The following JAG2 variants were observed in gnomAD, a reference collection of about 807,000 sequenced individuals.
JAG2 encodes the protein jagged canonical Notch ligand 2.
JAG2 carries 46 observed loss-of-function variants against 141.7 expected under a neutral mutation model. The ratio of observed to expected loss-of-function variants is 0.32; its 90% CI spans 0.26 to 0.42. JAG2 has a LOEUF of 0.42. Ranked by LOEUF, JAG2 falls within the 10% of genes least tolerant of loss-of-function variation. The probability of loss-of-function intolerance (pLI) is 1.00; values close to 1 mark genes in which losing one functional copy is unlikely to be tolerated. For missense variants in JAG2, 1,500 were observed against 1,817.5 expected (o/e 0.83, Z 3.18); for synonymous variants, 862 against 763.5 (o/e 1.13, Z -2.13).
At position 105,151,320 on chromosome 14, in the gene JAG2, G is replaced by C. The variant is rs1438776049; in HGVS notation, c.1230C>G (p.Ile410Met). ...CVDQVDGFEC[I>M]CPEQWVGATC... ...TGGCCCCCACCCACTGCTCGGGGCAGATGCACTCAAAGCCGTCCACCTGGT... is the reference window on the plus strand; with the variant it reads ...TGGCCCCCACCCACTGCTCGGGGCACATGCACTCAAAGCCGTCCACCTGGT... Residue 410 changes from isoleucine to methionine, a missense_variant, in exon 9 of 26, where the codon ATC becomes ATG. Ile to Met is a conservative substitution (Grantham distance 10, BLOSUM62 1). Around this residue, in one of 3 missense-constraint regions of JAG2, gnomAD observed 875 missense variants for 1,202.2 expected, o/e 0.73. Coordinates refer to ENST00000331782, the MANE Select transcript of JAG2 (RefSeq NM_002226.5). 8 of 1,612,756 alleles carry C rather than the reference G, an allele frequency of 5.0e-6. No homozygotes were observed. Among genetic ancestry groups the C allele is most frequent in the African/African-American group, 1.3e-5 (1 of 75,056 alleles).
Position 105,151,094 on chromosome 14 carries a change from C to G in JAG2, c.1278G>C (p.Glu426Asp), listed in dbSNP as rs1298677515. 6.2e-7 allele frequency: 1 copy of G among 1,611,044 alleles called. No individual in the cohort carries two copies. Among genetic ancestry groups the G allele is most frequent in the African/African-American group, 1.3e-5 (1 of 74,904 alleles). Residue 426 changes from glutamate to aspartate, a missense_variant, in exon 10 of 26, where the codon GAG (glutamate) becomes GAC (aspartate). Glu to Asp is a conservative substitution (Grantham distance 45, BLOSUM62 2). Around this residue, in one of 3 missense-constraint regions of JAG2, gnomAD observed 875 missense variants for 1,202.2 expected, o/e 0.73. Transcript: ENST00000331782. ...CGTTAAGGCATGGCTTCCCTTCACA[C>G]TCATTGGCGTCTGTGAAAGAGACAA... Reference protein sequence around the residue: ...VGATCQLDANECEGKPCLNAF... With the variant: ...VGATCQLDANDCEGKPCLNAF...
chr14:105,158,147 G>A (rs775527774), intron 2 of JAG2, among the ~76,000 whole-genome samples: 10 of 152,296 alleles, frequency 6.6e-5, no homozygotes, highest in East Asian at 5.8e-4. Context: ...ATGGGCAGCC[G>A]GGACCCGAGC....
intron 2 of JAG2, among the ~76,000 whole-genome samples, chr14:105,164,461 A>C (rs1888850889): frequency 6.6e-6 from 1 of 152,196 alleles, no homozygotes. Context: ...AGGTGTGGGA[A>C]GGAGGGGGGT....
Position 105,142,652 on chromosome 14 carries a change from TC to T in JAG2, c.*42del, listed in dbSNP as rs1888091533. The T allele has an allele frequency of 6.8e-7, 1 of 1,466,324 alleles. No homozygotes were observed. The highest frequency in any genetic ancestry group is 9.3e-7 in the Non-Finnish European group (1 of 1,075,828). The allele number at this position is 1,466,324 out of a possible 1,614,324, so 90.8% of individuals were successfully genotyped here. A position where few individuals can be genotyped will look rare whatever the true frequency, so the allele number is the denominator to read the frequency against. On this transcript the variant is annotated 3_prime_UTR_variant, in exon 26 of 26. Transcript: ENST00000331782. ...CTCCGGGTCCGGCAGACGGCATGGC[TC>T]CCACCGAGGGCCCTGGGTCCCGGCC... is the stretch of plus-strand genomic sequence containing the variant.
At chr14:105,157,559 T>C in intron 3 of JAG2, 147 bp downstream of exon 3, 1 of 809,158 alleles carries the variant, frequency 1.2e-6, no homozygotes, top group Non-Finnish European at 2.1e-6. Context: ...GTGGCAGAGC[T>C]TCCTGGCAGC....
Position 105,145,878 on chromosome 14 carries a change from TG to T in JAG2, c.2804del (p.Pro935GlnfsTer107). On this transcript the variant is annotated frameshift_variant, in exon 23 of 26. Coordinates refer to ENST00000331782, the MANE Select transcript of JAG2 (RefSeq NM_002226.5). LOFTEE classifies it high-confidence loss of function. ...PLGQRCLEKAPGQCLRPPCEA... is the reference protein window; with the variant it reads ...PLGQRCLEKAXGQCLRPPCEA... Reference sequence around the variant, plus strand: ...CACAGGGTGGTCGCAGACACTGGCCTGGGGCCTTCTCCAGGCACCTTTGCCC... The same window carrying T: ...CACAGGGTGGTCGCAGACACTGGCCTGGGCCTTCTCCAGGCACCTTTGCCC... 6.4e-7 allele frequency: 1 copy of T among 1,560,708 alleles called. No homozygotes were observed. Among genetic ancestry groups the T allele is most frequent in the Non-Finnish European group, 8.7e-7 (1 of 1,153,226 alleles).
rs1697194698 is a variant in JAG2, at chr14:105,145,004, C to T, written c.3010G>A (p.Val1004Met). 5 of 1,610,090 alleles carry T rather than the reference C, an allele frequency of 3.1e-6. No individual in the cohort carries two copies. The highest frequency in any genetic ancestry group is 1.3e-5 in the African/African-American group (1 of 75,058). Residue 1004 changes from valine to methionine, a missense_variant, in exon 24 of 26, where the codon GTG (valine) becomes ATG (methionine). This residue lies in a region of JAG2 where 425 missense variants were observed against 441.0 expected (regional missense o/e 0.96). Transcript: ENST00000331782. ...GIRSLPATRA[V>M]ARDRLLVLLC... ...AACACCAGCAGGCGGTCCCGTGCCA[C>T]AGCCCTTGTGGCTGGCAGGGAGCGG... is the stretch of plus-strand genomic sequence containing the variant.
rs779195949 is a variant in JAG2, at chr14:105,155,998, G to A, written c.476-9C>T. 2 of 1,601,304 alleles carry A rather than the reference G, an allele frequency of 1.2e-6. No individual in the cohort carries two copies. Among genetic ancestry groups the A allele is most frequent in the South Asian group, 2.2e-5 (2 of 91,020 alleles). Reference sequence around the variant, plus strand: ...CTCGATCAGCAGCTCCTCTTGGGGAGGCGGCAGAGTCAGCACAGGCCAGAG... The same window carrying A: ...CTCGATCAGCAGCTCCTCTTGGGGAAGCGGCAGAGTCAGCACAGGCCAGAG... On this transcript the variant is annotated splice_polypyrimidine_tract_variant and intron_variant, in intron 3 of 25. Coordinates refer to ENST00000331782, the MANE Select transcript of JAG2 (RefSeq NM_002226.5).
chr14:105,145,752 G>C lies in JAG2; in HGVS notation c.2931C>G (p.Phe977Leu). Residue 977 changes from phenylalanine (F) to leucine (L), a missense_variant, in exon 23 of 26, where the codon TTC becomes TTG. Transcript: ENST00000331782. ...TCACCTGGGGCACGTGGTCACGGTT[G>C]AAATGCAAGGTGAGGCGGGCACAGT... ...DNNCARLTLH[F>L]NRDHVPQGTT... 6.3e-7 allele frequency: 1 copy of C among 1,597,074 alleles called. No homozygotes were observed. Among genetic ancestry groups the C allele is most frequent in the South Asian group, 1.1e-5 (1 of 88,124 alleles).
At position 105,142,600 on chromosome 14, in the gene JAG2, T is replaced by C; in HGVS notation, c.*95A>G. 2.2e-6 allele frequency: 2 copies of C among 892,430 alleles called. No individual in the cohort carries two copies. The highest frequency in any genetic ancestry group is 3.2e-5 in the South Asian group (2 of 63,252). The allele number at this position is 892,430 out of a possible 1,614,324, so 55.3% of individuals were successfully genotyped here. On this transcript the variant is annotated 3_prime_UTR_variant, in exon 26 of 26. Transcript: ENST00000331782. ...TTTTTGGTGGTTTTTTTACACAAAA[T>C]AAAGAAACTATGCACATGGCCTCGG...
chr14:105,152,120 T>C (rs1379331716), intron 6 of JAG2, 41 bp downstream of exon 6: 2 of 1,613,286 alleles, frequency 1.2e-6, no homozygotes, highest in African/African-American at 2.7e-5. Flanking sequence ...CAACCCACAC[T>C]TCGATGGCAG....
chr14:105,145,614 A>T, intron 23 of JAG2, 117 bp downstream of exon 23: 2 of 1,324,660 alleles, frequency 1.5e-6, no homozygotes. Context: ...TGTGACCAAG[A>T]GTGACTCTGC....
chr14:105,152,947 C>T (rs750621817), intron 5 of JAG2, among the ~76,000 whole-genome samples: 11 of 152,184 alleles, frequency 7.2e-5, no homozygotes, highest in Non-Finnish European at 1.2e-4. Flanking sequence ...CCCAGGCTAT[C>T]GGCCAACGTC....
rs755552939 is a variant in JAG2, at chr14:105,167,179, G to A, written c.417+578C>T. Among the ~76,000 whole-genome samples the A allele has an allele frequency of 1.3e-5, 2 of 152,200 alleles. No individual in the cohort carries two copies. Among genetic ancestry groups the A allele is most frequent in the African/African-American group, 2.4e-5 (1 of 41,460 alleles). On this transcript the variant is annotated intron_variant, in intron 2 of 25. Transcript: ENST00000331782. The surrounding 1 kb of genome is among the most constrained non-coding windows in gnomAD (Gnocchi z 4.8). ...CACAAACAGGGCAGTGCCACAGAAGGTCACTGCACCAGGATCCACTATCTC... is the reference window on the plus strand; with the variant it reads ...CACAAACAGGGCAGTGCCACAGAAGATCACTGCACCAGGATCCACTATCTC...
Position 105,150,654 on chromosome 14 carries a change from C to T in JAG2, c.1552G>A (p.Asp518Asn), listed in dbSNP as rs775742241. 2.3e-5 allele frequency: 35 copies of T among 1,549,720 alleles called. No individual in the cohort carries two copies. The highest frequency in any genetic ancestry group is 2.7e-5 in the Non-Finnish European group (31 of 1,146,726). The change falls in exon 12 of 26, where the codon GAC (aspartate) becomes AAC (asparagine). Residue 518 changes from aspartate (D) to asparagine (N), a missense_variant. Transcript: ENST00000331782. ...TGGGGGCAGTGGCAGTGGAAGCCGT[C>T]GGCCAGGTCCTCGCAGAGGCCGCCG... The part of the protein sequence containing the change: ...HSGGLCEDLA[D>N]GFHCHCPQGF...
chr14:105,153,803 C>G (rs1888506396), intron 5 of JAG2, among the ~76,000 whole-genome samples: 1 of 152,150 alleles, frequency 6.6e-6, no homozygotes. Context: ...CTTCCTCCAG[C>G]CTTGGTGTGA....
rs1258673957 is a variant in JAG2, at chr14:105,145,841, C to G, written c.2842G>C (p.Glu948Gln). 1.9e-6 allele frequency: 3 copies of G among 1,561,454 alleles called. No individual in the cohort carries two copies. Among genetic ancestry groups the G allele is most frequent in the Admixed American group, 1.9e-5 (1 of 52,646 alleles). ...CTCGGTGGCTCTTCTGCGCCGCACTCCCCCCAGGCCTCACAGGGTGGTCGC... is the reference window on the plus strand; with the variant it reads ...CTCGGTGGCTCTTCTGCGCCGCACTGCCCCCAGGCCTCACAGGGTGGTCGC... Reference protein sequence around the residue: ...CLRPPCEAWGECGAEEPPSTP... With the variant: ...CLRPPCEAWGQCGAEEPPSTP... Residue 948 changes from glutamate (E) to glutamine (Q), a missense_variant, in exon 23 of 26, where the codon GAG (glutamate) becomes CAG (glutamine). Coordinates refer to ENST00000331782, the MANE Select transcript of JAG2 (RefSeq NM_002226.5).
In JAG2 at chr14:105,146,389, C is replaced by G. The variant is rs1231692659; in HGVS notation, c.2705G>C (p.Ser902Thr). Residue 902 changes from serine (S) to threonine (T), a missense_variant, in exon 22 of 26, where the codon AGC becomes ACC. Coordinates refer to ENST00000331782, the MANE Select transcript of JAG2 (RefSeq NM_002226.5). ...CGGCTCACGGGCTGCCCTCACCTTG[C>G]TGCAGTCACGGCGGCCATCCAGGCA... ...CRCLDGRRDCSKVWCGWKPCL... is the reference protein window; with the variant it reads ...CRCLDGRRDCTKVWCGWKPCL... The G allele has an allele frequency of 6.2e-7, 1 of 1,612,146 alleles. No homozygotes were observed. The highest frequency in any genetic ancestry group is 8.5e-7 in the Non-Finnish European group (1 of 1,179,570).
intron 5 of JAG2, 38 bp from the exon 6 acceptor site, chr14:105,152,329 G>A (rs1382673223): frequency 1.9e-6 from 3 of 1,605,838 alleles, no homozygotes; most frequent in East Asian, 4.5e-5. Flanking sequence ...CCAGTGAGCT[G>A]TGGTGCCTGA....
Sources: allele counts gnomAD v4.1 joint callset (sites outside exome capture counted in the v4.1 genomes callset), GRCh38; gene constraint gnomAD v4.1.1; regional missense constraint gnomAD v4.1.1; non-coding constraint Gnocchi (gnomAD v3.1); transcripts MANE v1.5; gene names NCBI Gene and HGNC (gene_info 2026-07-23, HGNC 2026-07-21).